Variants in PCCA observed in about 807,000 individuals in gnomAD.
PCCA encodes propionyl-CoA carboxylase subunit alpha.
In PCCA, 74 loss-of-function variants were observed where a neutral mutation model predicts 101.3. That is an observed-to-expected ratio of 0.73 (90% CI 0.61 to 0.89). The LOEUF (loss-of-function observed/expected upper bound fraction) is 0.89. Ranked by LOEUF, PCCA falls within the 40% of genes least tolerant of loss-of-function variation. PCCA has a pLI of 0.00. For synonymous variants in PCCA, 294 were observed against 313.6 expected, an observed-to-expected ratio of 0.94 and a Z score of 0.66; for missense variants, 891 against 907.0, an observed-to-expected ratio of 0.98 and a Z score of 0.23.
At chr13:100,502,371 G>A (rs1414489275) in intron 21 of PCCA, among the ~76,000 whole-genome samples, 2 of 152,158 alleles carry the variant, frequency 1.3e-5, no homozygotes, top group Non-Finnish European at 2.9e-5. Flanking sequence ...CACCCTGGCT[G>A]TGTGTACTGT....
At position 100,484,166 on chromosome 13, in the gene PCCA, G is replaced by A. The variant is rs114381583; in HGVS notation, c.1900-31261G>A. ...CGCTTTCCTGCTATTCTTGTTCTCCGGCTCAGTATGACTATAAGTAGCTCA... is the reference window on the plus strand; with the variant it reads ...CGCTTTCCTGCTATTCTTGTTCTCCAGCTCAGTATGACTATAAGTAGCTCA... On this transcript the variant is annotated intron_variant, in intron 21 of 23. Coordinates refer to ENST00000376285, the MANE Select transcript of PCCA (RefSeq NM_000282.4). 9.4e-3 allele frequency among the ~76,000 whole-genome samples: 1,422 copies of A among 151,996 alleles called. 20 individuals are homozygous for A. Among genetic ancestry groups the A allele is most frequent in the African/African-American group, 0.032 (1,305 of 41,426 alleles).
At chr13:100,275,326 C>T (rs1477815368) in intron 12 of PCCA, among the ~76,000 whole-genome samples, 1 of 152,092 alleles carries the variant, frequency 6.6e-6, no homozygotes, top group African/African-American at 2.4e-5. Flanking sequence ...TGTGCCGTGG[C>T]GGTAGACCGT....
At chr13:100,233,501 A>G (rs1477787597) in intron 7 of PCCA, among the ~76,000 whole-genome samples, 1 of 152,140 alleles carries the variant, frequency 6.6e-6, no homozygotes, top group Non-Finnish European at 1.5e-5. Flanking sequence ...TTACAGTGTG[A>G]TGTCACTTAG....
intron 6 of PCCA, among the ~76,000 whole-genome samples, chr13:100,206,221 A>G (rs1305484891): frequency 5.9e-5 from 9 of 152,024 alleles, no homozygotes; most frequent in African/African-American, 1.9e-4. Flanking sequence ...GGGTTCCTAT[A>G]ATATTATTTT....
At position 100,523,434 on chromosome 13, in the gene PCCA, C is replaced by T. The variant is rs192331957; in HGVS notation, c.2041-4241C>T. 2.6e-3 allele frequency among the ~76,000 whole-genome samples: 399 copies of T among 152,210 alleles called. 7 individuals carry two copies. The highest frequency in any genetic ancestry group is 3.1e-3 in the East Asian group (16 of 5,182). ...CCTATATCCATTAGAGTCATTTTGC[C>T]GACCATGGCAAGCAGCTGGCTTTAC... On this transcript the variant is annotated intron_variant, in intron 22 of 23. Transcript: ENST00000376285.
At chr13:100,148,923 C>G (rs9585364) in intron 4 of PCCA, among the ~76,000 whole-genome samples, 3,086 of 152,060 alleles carry the variant, frequency 0.02, 92 homozygotes, top group African/African-American at 0.071. Context: ...ATTCTACCAT[C>G]CAAAATAACC....
intron 4 of PCCA, among the ~76,000 whole-genome samples, chr13:100,153,692 C>T (rs528903654): frequency 4.6e-5 from 7 of 152,100 alleles, no homozygotes; most frequent in East Asian, 1.9e-4. Flanking sequence ...ACGATAACCA[C>T]GAGGAAGGCC....
At chr13:100,094,839 C>T (rs1414281363) in intron 1 of PCCA, among the ~76,000 whole-genome samples, 8 of 152,170 alleles carry the variant, frequency 5.3e-5, no homozygotes, top group Admixed American at 1.3e-4. Flanking sequence ...CCGCCTGCCT[C>T]GGCCTCCCAA....
intron 18 of PCCA, among the ~76,000 whole-genome samples, chr13:100,354,119 T>TAATAATAATAATAAA (rs1463043522): frequency 1.5e-5 from 2 of 137,174 alleles, no homozygotes; most frequent in East Asian, 2.1e-4. Context: ...ATAATAATAA[T>TAATAATAATAATAAA]AAAATAATTC....
At chr13:100,419,471 C>CAA (rs56795912) in intron 19 of PCCA, among the ~76,000 whole-genome samples, 1,953 of 112,906 alleles carry the variant, frequency 0.017, 61 homozygotes, top group African/African-American at 0.05. Flanking sequence ...GACTTTGTCT[C>CAA]AAAAAAAAAA....
At chr13:100,202,714 A>G (rs2058605109) in intron 6 of PCCA, among the ~76,000 whole-genome samples, 2 of 150,570 alleles carry the variant, frequency 1.3e-5, no homozygotes, top group Non-Finnish European at 3.0e-5. Flanking sequence ...TATTTTCAAT[A>G]TTTCTCATCT....
intron 6 of PCCA, among the ~76,000 whole-genome samples, chr13:100,194,947 A>G (rs1016298040): frequency 6.6e-6 from 1 of 152,180 alleles, no homozygotes; most frequent in Non-Finnish European, 1.5e-5. Context: ...ATTGCCAATT[A>G]TATTCATAGT....
At chr13:100,261,676 G>A (rs979265601) in intron 9 of PCCA, among the ~76,000 whole-genome samples, 1 of 151,972 alleles carries the variant, frequency 6.6e-6, no homozygotes, top group African/African-American at 2.4e-5. Flanking sequence ...TGAATAATAG[G>A]CATATTTTAA....
chr13:100,097,879 T>C (rs928910618), intron 1 of PCCA, among the ~76,000 whole-genome samples: 7 of 151,904 alleles, frequency 4.6e-5, no homozygotes. Flanking sequence ...AAAAAATTAG[T>C]GGGGCATGGT....
Position 100,173,001 on chromosome 13 carries a change from C to CT in PCCA, c.468+15671dup, listed in dbSNP as rs531362771. Among the ~76,000 whole-genome samples, 342 of 149,486 alleles carry CT rather than the reference C, an allele frequency of 2.3e-3. 2 individuals carry two copies. The highest frequency in any genetic ancestry group is 4.8e-3 in the Admixed American group (72 of 14,934). ...ACAAAACCTTAAAATGTTTTCAGCTCTTTTTTTTTTACCCATCCTTATTTT... is the reference window on the plus strand; with the variant it reads ...ACAAAACCTTAAAATGTTTTCAGCTCTTTTTTTTTTTACCCATCCTTATTTT... On this transcript the variant is annotated intron_variant, in intron 6 of 23. Coordinates refer to ENST00000376285, the MANE Select transcript of PCCA (RefSeq NM_000282.4).
chr13:100,415,360 C>A (rs1203683466), intron 19 of PCCA, among the ~76,000 whole-genome samples: 2 of 152,120 alleles, frequency 1.3e-5, no homozygotes, highest in Non-Finnish European at 2.9e-5. Flanking sequence ...TGAGCTGGAT[C>A]CCACCACTGC....
At chr13:100,204,244 C>G (rs1341783590) in intron 6 of PCCA, among the ~76,000 whole-genome samples, 2 of 152,134 alleles carry the variant, frequency 1.3e-5, no homozygotes, top group African/African-American at 2.4e-5. Flanking sequence ...ATCCTCCTAC[C>G]TCAGCTTCCT....
intron 22 of PCCA, among the ~76,000 whole-genome samples, chr13:100,519,816 C>T (rs963860419): frequency 6.6e-5 from 10 of 152,254 alleles, no homozygotes; most frequent in African/African-American, 1.7e-4. Context: ...TGGGCCCTCC[C>T]GACGGGTGTT....
intron 4 of PCCA, among the ~76,000 whole-genome samples, chr13:100,126,469 C>G (rs771824443): frequency 9.2e-5 from 14 of 151,482 alleles, no homozygotes; most frequent in Non-Finnish European, 1.8e-4. Context: ...ATATTTAACA[C>G]ATGAACTATG....
Sources: allele counts gnomAD v4.1 joint callset (sites outside exome capture counted in the v4.1 genomes callset), GRCh38; gene constraint gnomAD v4.1.1; transcripts MANE v1.5; gene names NCBI Gene and HGNC (gene_info 2026-07-23, HGNC 2026-07-21).